ANKRD17: variants seen among roughly 807,000 people sequenced by gnomAD.
ANKRD17 encodes ankyrin repeat domain-containing protein 17.
In ANKRD17, 19 loss-of-function variants were observed where a neutral mutation model predicts 229.7. That is an observed-to-expected ratio of 0.08 (90% CI 0.06 to 0.12). The LOEUF (loss-of-function observed/expected upper bound fraction) is 0.12, where lower values mean the gene tolerates loss of function less well. ANKRD17 is among the 10% of genes least tolerant of loss of function. The pLI, the probability that ANKRD17 is intolerant of heterozygous loss-of-function variation, is 1.00. For missense variants in ANKRD17, 2,176 were observed against 3,176.8 expected (o/e 0.68, Z 7.57); for synonymous variants, 1,112 against 1,146.1 (o/e 0.97, Z 0.60).
intron 29 of ANKRD17, among the ~76,000 whole-genome samples, chr4:73,086,952 A>ATATATATATATATATATATATATC (rs1457638208): frequency 1.0e-5 from 1 of 96,782 alleles, no homozygotes; most frequent in Non-Finnish European, 2.1e-5. Context: ...ATATATATAT[A>ATATATATATATATATATATATATC]TCTGTAGGAT....
chr4:73,090,638 C>T (rs761392940), intron 29 of ANKRD17, 29 bp downstream of exon 29: 1 of 1,613,166 alleles, frequency 6.2e-7, no homozygotes, highest in East Asian at 2.2e-5. Flanking sequence ...AAATGAACAG[C>T]TGCAGAATCT....
At chr4:73,174,080 G>A (rs370944291) in intron 2 of ANKRD17, among the ~76,000 whole-genome samples, 2 of 82,762 alleles carry the variant, frequency 2.4e-5, no homozygotes, top group African/African-American at 7.5e-5. Context: ...AGGAAGGCGA[G>A]GGAAGGGAGG....
At chr4:73,249,541 G>C (rs1744797219) in intron 1 of ANKRD17, among the ~76,000 whole-genome samples, 1 of 152,194 alleles carries the variant, frequency 6.6e-6, no homozygotes, top group Non-Finnish European at 1.5e-5. Flanking sequence ...TGAGTATGAA[G>C]TAATAAGCAA....
chr4:73,169,796 T>C (rs569182092), intron 2 of ANKRD17, among the ~76,000 whole-genome samples: 5 of 152,172 alleles, frequency 3.3e-5, no homozygotes, highest in African/African-American at 1.2e-4. Context: ...AGCCTTTGCA[T>C]TGAACTCAGT....
intron 1 of ANKRD17, among the ~76,000 whole-genome samples, chr4:73,242,148 A>G (rs1744098226): frequency 6.6e-6 from 1 of 152,170 alleles, no homozygotes; most frequent in Admixed American, 6.5e-5. Context: ...ACGCAATAAG[A>G]GAACAAAAAC....
At chr4:73,126,650 T>C (rs1378291278) in intron 16 of ANKRD17, among the ~76,000 whole-genome samples, 1 of 152,218 alleles carries the variant, frequency 6.6e-6, no homozygotes, top group Admixed American at 6.5e-5. Context: ...ATGACCAACA[T>C]ATTAGATTTA....
chr4:73,151,423 A>C lies in ANKRD17; in HGVS notation c.1329+7T>G. Reference sequence around the variant, plus strand: ...TAAACATATTTGACATATTTCACCAATCTTACCATGCAAGCCTCCATCAGA... The same window carrying C: ...TAAACATATTTGACATATTTCACCACTCTTACCATGCAAGCCTCCATCAGA... On this transcript the variant is annotated splice_region_variant and intron_variant, in intron 7 of 33. Coordinates refer to ENST00000358602, the MANE Select transcript of ANKRD17 (RefSeq NM_032217.5). The C allele has an allele frequency of 6.2e-7, 1 of 1,611,234 alleles. No homozygotes were observed. The highest frequency in any genetic ancestry group is 8.5e-7 in the Non-Finnish European group (1 of 1,178,632).
intron 15 of ANKRD17, among the ~76,000 whole-genome samples, chr4:73,138,768 CT>C: frequency 6.6e-6 from 1 of 152,058 alleles, no homozygotes; most frequent in Non-Finnish European, 1.5e-5. Flanking sequence ...CATCCCATTA[CT>C]TTGTTACAAA....
chr4:73,240,880 C>T (rs1274593832), intron 1 of ANKRD17, among the ~76,000 whole-genome samples: 1 of 147,768 alleles, frequency 6.8e-6, no homozygotes, highest in Admixed American at 6.8e-5. Context: ...ACAATCTCGG[C>T]TCACTGCAAC....
At chr4:73,129,965 C>T (rs1439435950) in intron 16 of ANKRD17, among the ~76,000 whole-genome samples, 3 of 151,794 alleles carry the variant, frequency 2.0e-5, no homozygotes, top group South Asian at 2.1e-4. Flanking sequence ...CAAGGTTTCA[C>T]GGTGTTAGCC....
intron 19 of ANKRD17, 62 bp from the exon 20 acceptor site, chr4:73,121,156 T>A (rs1428225066): frequency 1.5e-6 from 2 of 1,341,844 alleles, no homozygotes; most frequent in Non-Finnish European, 2.1e-6. Context: ...ACAGAAAAAT[T>A]GGAGATGATA....
rs112289904 is a variant in ANKRD17 at position 73,165,554 on chromosome 4, T to C, written c.548-4206A>G. ...AGGTGTGTGTCTAATAAAATGATCC[T>C]AAGGTTACCCGTCCCTGATGTACAC... On this transcript the variant is annotated intron_variant, in intron 2 of 33. Transcript: ENST00000358602. Among the ~76,000 whole-genome samples, 377 of 152,322 alleles carry C rather than the reference T, an allele frequency of 2.5e-3. 2 individuals are homozygous for C. Among genetic ancestry groups the C allele is most frequent in the South Asian group, 0.016 (76 of 4,822 alleles).
intron 3 of ANKRD17, among the ~76,000 whole-genome samples, chr4:73,160,462 G>A (rs946470489): frequency 2.0e-5 from 3 of 151,842 alleles, no homozygotes; most frequent in Admixed American, 6.6e-5. Flanking sequence ...CAGGTGATCC[G>A]CCCGCCTCGG....
In ANKRD17 at chr4:73,175,377, CT is replaced by C. The variant is rs562400038; in HGVS notation, c.547+2002del. On this transcript the variant is annotated intron_variant, in intron 2 of 33. Transcript: ENST00000358602. ...CAATCACCTCCCACTGGGCTCCTCC[CT>C]TGACACATGGGGATAATGGGGATTA... Among the ~76,000 whole-genome samples, 83 of 152,246 alleles carry C rather than the reference CT, an allele frequency of 5.5e-4. 1 individual carries two copies. The South Asian group carries it at 0.016, about 29-fold the overall frequency.
intron 8 of ANKRD17, 58 bp downstream of exon 8, chr4:73,148,755 A>G: frequency 6.7e-7 from 1 of 1,482,194 alleles, no homozygotes; most frequent in East Asian, 2.3e-5. Flanking sequence ...CAATTTTATA[A>G]AATTATACTC....
At position 73,092,230 on chromosome 4, in the gene ANKRD17, T is replaced by A. The variant is rs142117623; in HGVS notation, c.5398A>T (p.Ile1800Phe). 7.4e-5 allele frequency: 120 copies of A among 1,614,108 alleles called. No homozygotes were observed. The highest frequency in any genetic ancestry group is 9.9e-5 in the Non-Finnish European group (117 of 1,180,046). ...NALIKDPDKE[I>F]DELIPKNRLK... is the part of the protein sequence containing the mutation. ...CGATTCTTTGGAATAAGTTCATCAA[T>A]TTCTTTGTCTGGATCCTTGATCAAA... Residue 1800 changes from isoleucine to phenylalanine, a missense_variant, in exon 29 of 34, where the codon ATT becomes TTT. By Grantham distance (21) the Ile-to-Phe change is conservative. Around this residue, in one of 18 missense-constraint regions of ANKRD17, gnomAD observed 142 missense variants for 200.4 expected, o/e 0.71. Coordinates refer to ENST00000358602, the MANE Select transcript of ANKRD17 (RefSeq NM_032217.5).
At chr4:73,256,290 G>A (rs1027527327) in intron 1 of ANKRD17, among the ~76,000 whole-genome samples, 8 of 152,132 alleles carry the variant, frequency 5.3e-5, no homozygotes, top group African/African-American at 1.7e-4. Context: ...GCATTCCAAT[G>A]GACAAAACTA....
intron 1 of ANKRD17, among the ~76,000 whole-genome samples, chr4:73,225,815 T>C (rs1268276194): frequency 3.6e-5 from 4 of 112,658 alleles, no homozygotes; most frequent in Admixed American, 1.4e-4. Context: ...TGAGTCGAGA[T>C]CACGCCACTG....
Position 73,177,254 on chromosome 4 carries a change from C to T in ANKRD17, c.547+126G>A, listed in dbSNP as rs1037237569. The stretch of plus-strand genomic sequence containing the variant: ...TCCATGTAATTCAGCAGAAAGTAAT[C>T]AATTAACCTTTATTAATAGTATCAT... On this transcript the variant is annotated intron_variant, in intron 2 of 33. Transcript: ENST00000358602. 2.0e-5 allele frequency: 19 copies of T among 934,550 alleles called. 1 individual carries two copies. Among genetic ancestry groups the T allele is most frequent in the Non-Finnish European group, 2.6e-5 (18 of 689,300 alleles). 57.9% of individuals were successfully genotyped at this position (934,550 alleles called of 1,614,324 possible). A position where few individuals can be genotyped will look rare whatever the true frequency, so the allele number is the denominator to read the frequency against.
Sources: allele counts gnomAD v4.1 joint callset (sites outside exome capture counted in the v4.1 genomes callset), GRCh38; gene constraint gnomAD v4.1.1; regional missense constraint gnomAD v4.1.1; transcripts MANE v1.5; gene names NCBI Gene and HGNC (gene_info 2026-07-23, HGNC 2026-07-21).